The following EHMT1 variants were observed in gnomAD, a reference collection of about 807,000 sequenced individuals.
EHMT1 encodes histone-lysine N-methyltransferase EHMT1.
In EHMT1, 15 loss-of-function variants were observed where a neutral mutation model predicts 147.2. That is an observed-to-expected ratio of 0.10 (90% CI 0.07 to 0.16). The LOEUF is 0.16. EHMT1 is among the 10% of genes least tolerant of loss of function. EHMT1 has a pLI of 1.00. For missense variants in EHMT1, 1,587 were observed against 1,772.4 expected, an observed-to-expected ratio of 0.90 and a Z score of 1.88; for synonymous variants, 795 against 709.6, an observed-to-expected ratio of 1.12 and a Z score of -1.91.
rs1267051613 is a variant in EHMT1, at chr9:137,819,588, CGTGT to C, written c.3540+1451_3540+1454del. Reference sequence around the variant, plus strand: ...CGTAGAGAGGCCGACTGAGGGGCGCCGTGTACCGAGACTGTAGAGAGGCCGATTG... The same window carrying C: ...CGTAGAGAGGCCGACTGAGGGGCGCCACCGAGACTGTAGAGAGGCCGATTG... On this transcript the variant is annotated intron_variant, in intron 25 of 26. Coordinates refer to ENST00000460843, the MANE Select transcript of EHMT1 (RefSeq NM_024757.5). 9.8e-4 allele frequency among the ~76,000 whole-genome samples: 110 copies of C among 112,042 alleles called. 5 individuals are homozygous for C. Among genetic ancestry groups the C allele is most frequent in the East Asian group, 6.0e-3 (24 of 3,994 alleles). 73.5% of individuals were successfully genotyped at this position (112,042 alleles called of 152,430 possible).
chr9:137,781,021 T>C (rs868228315), intron 14 of EHMT1, among the ~76,000 whole-genome samples: 12 of 142,614 alleles, frequency 8.4e-5, no homozygotes, highest in South Asian at 2.3e-4. Context: ...TGTGTGGTGA[T>C]GACGCCGAGA....
rs116930578 is a variant in EHMT1 at position 137,628,341 on chromosome 9, C to T, written c.21+9292C>T. 5.5e-4 allele frequency among the ~76,000 whole-genome samples: 83 copies of T among 152,256 alleles called. No homozygotes were observed. The East Asian group carries it at 0.015, about 28-fold the overall frequency. On this transcript the variant is annotated intron_variant, in intron 1 of 26. Coordinates refer to ENST00000460843, the MANE Select transcript of EHMT1 (RefSeq NM_024757.5). ...GTCTTGGGGTTTATGTGTCTCTTTC[C>T]TGCTTTTCTTGTCTTTGATTGATTT...
intron 16 of EHMT1, among the ~76,000 whole-genome samples, chr9:137,795,397 G>A (rs1952820740): frequency 2.4e-5 from 1 of 41,374 alleles, no homozygotes; most frequent in African/African-American, 7.5e-5. Flanking sequence ...TCCTATCGCA[G>A]GGTGCACACA....
chr9:137,737,429 A>G (rs923434334), intron 4 of EHMT1, among the ~76,000 whole-genome samples: 7 of 152,220 alleles, frequency 4.6e-5, no homozygotes, highest in African/African-American at 1.7e-4. Flanking sequence ...TTTCCAACAA[A>G]TGGTGCGGGG....
At chr9:137,646,446 G>T in intron 1 of EHMT1, 1 of 985,426 alleles carries the variant, frequency 1.0e-6, no homozygotes, top group Non-Finnish European at 1.2e-6. Flanking sequence ...AAAGTAAGAG[G>T]GCTGAATGGG....
At chr9:137,807,574 C>T (rs879671809) in intron 18 of EHMT1, among the ~76,000 whole-genome samples, 54 of 152,098 alleles carry the variant, frequency 3.6e-4, no homozygotes, top group Non-Finnish European at 5.7e-4. Flanking sequence ...GTGGTGCAAT[C>T]TTGGCCCATT....
At chr9:137,724,244 G>A (rs753441310) in intron 3 of EHMT1, among the ~76,000 whole-genome samples, 2 of 152,202 alleles carry the variant, frequency 1.3e-5, no homozygotes, top group South Asian at 2.1e-4. Flanking sequence ...GTCCTACTGT[G>A]TGACTCACCC....
chr9:137,710,960 C>CT lies in EHMT1; in HGVS notation c.22-6dup. 1 of 1,594,734 alleles carries CT rather than the reference C, an allele frequency of 6.3e-7. No homozygotes were observed. Among genetic ancestry groups the CT allele is most frequent in the Non-Finnish European group, 8.5e-7 (1 of 1,171,278 alleles). Reference sequence around the variant, plus strand: ...CCCGGCTGACGGCTGTTGTTTCTCTCTAACAGGCAGTTCCGGCGAGGGGGG... The same window carrying CT: ...CCCGGCTGACGGCTGTTGTTTCTCTCTTAACAGGCAGTTCCGGCGAGGGGGG... On this transcript the variant is annotated splice_polypyrimidine_tract_variant and splice_region_variant and intron_variant, in intron 1 of 26. Transcript: ENST00000460843.
chr9:137,783,796 C>T (rs528089479), intron 15 of EHMT1, among the ~76,000 whole-genome samples: 2 of 152,258 alleles, frequency 1.3e-5, no homozygotes, highest in Non-Finnish European at 2.9e-5. Context: ...CCAGCTGCCT[C>T]AGTCTGTCCC....
chr9:137,779,632 C>T lies in EHMT1; in HGVS notation c.2193-3C>T. ...GCTGACTGTTGTCTTGTGCTTCCCA[C>T]AGACCCAAGAAGCTTCGCTTCCACC... is the stretch of plus-strand genomic sequence containing the variant. On this transcript the variant is annotated splice_polypyrimidine_tract_variant and splice_region_variant and intron_variant, in intron 13 of 26. Transcript: ENST00000460843. 6.2e-7 allele frequency: 1 copy of T among 1,613,918 alleles called. No homozygotes were observed. Among genetic ancestry groups the T allele is most frequent in the South Asian group, 1.1e-5 (1 of 91,088 alleles).
chr9:137,807,484 T>C (rs897794749), intron 18 of EHMT1, among the ~76,000 whole-genome samples: 1 of 127,558 alleles, frequency 7.8e-6, no homozygotes, highest in East Asian at 2.0e-4. Flanking sequence ...TTTACTTATT[T>C]ATTTATTTAT....
At chr9:137,728,232 A>G (rs1353642639) in intron 3 of EHMT1, 117 bp from the exon 4 acceptor site, 1 of 1,416,386 alleles carries the variant, frequency 7.1e-7, no homozygotes, top group Non-Finnish European at 9.9e-7. Flanking sequence ...TCTCCATTGT[A>G]TCTCATCTTT....
At chr9:137,750,464 A>G (rs943267467) in intron 6 of EHMT1, among the ~76,000 whole-genome samples, 12 of 152,192 alleles carry the variant, frequency 7.9e-5, no homozygotes, top group African/African-American at 7.2e-5. Context: ...GTACCTAGAA[A>G]TAAACTTAAC....
chr9:137,644,839 AC>A (rs1301447284), intron 1 of EHMT1, among the ~76,000 whole-genome samples: 1 of 151,500 alleles, frequency 6.6e-6, no homozygotes, highest in African/African-American at 2.4e-5. Context: ...TAGATTGTAA[AC>A]TCTTTGAGGT....
chr9:137,643,468 G>A (rs1165221197), intron 1 of EHMT1, among the ~76,000 whole-genome samples: 1 of 151,294 alleles, frequency 6.6e-6, no homozygotes, highest in Admixed American at 6.6e-5. Flanking sequence ...AGCCTTCCGA[G>A]TAGCTGGGAC....
intron 4 of EHMT1, among the ~76,000 whole-genome samples, chr9:137,736,181 T>C (rs1288027732): frequency 1.3e-5 from 2 of 152,172 alleles, no homozygotes; most frequent in African/African-American, 2.4e-5. Flanking sequence ...AATAAAAATT[T>C]ATTTCTTTTT....
intron 1 of EHMT1, among the ~76,000 whole-genome samples, chr9:137,686,549 C>T (rs1942449472): frequency 6.6e-6 from 1 of 151,744 alleles, no homozygotes; most frequent in Admixed American, 6.6e-5. Flanking sequence ...ACCCCCATCC[C>T]CGGCTAGTTT....
chr9:137,690,242 T>C (rs1294700739), intron 1 of EHMT1, among the ~76,000 whole-genome samples: 1 of 152,140 alleles, frequency 6.6e-6, no homozygotes, highest in Non-Finnish European at 1.5e-5. Context: ...AAGTGAGGAA[T>C]GCAGGGTGAC....
intron 1 of EHMT1, among the ~76,000 whole-genome samples, chr9:137,662,806 TTA>T (rs370898417): frequency 0.18 from 26,028 of 142,090 alleles, 2,441 homozygotes; most frequent in Admixed American, 0.28. Flanking sequence ...ATTTATTTAT[TTA>T]TTTTTGACAG....
Sources: gnomAD v4.1 joint callset for allele counts (sites outside exome capture counted in the v4.1 genomes callset) on GRCh38, gnomAD v4.1.1 for gene constraint, MANE v1.5 for transcripts, NCBI Gene and HGNC (gene_info 2026-07-23, HGNC 2026-07-21) for gene names.